The following DACH2 variants were observed in gnomAD, a reference collection of about 807,000 sequenced individuals.
DACH2 encodes the protein dachshund family transcription factor 2.
A neutral mutation model predicts 35.8 loss-of-function variants in DACH2; 17 were observed. The observed-to-expected ratio is 0.48, with a 90% CI of 0.33 to 0.71. DACH2 has a LOEUF of 0.71. Among genes scored for constraint, DACH2 ranks in the 30% least tolerant of loss-of-function variants. The pLI is 0.02. For synonymous variants in DACH2, 195 were observed against 177.3 expected, an observed-to-expected ratio of 1.10 and a Z score of -0.79; for missense variants, 469 against 472.7, an observed-to-expected ratio of 0.99 and a Z score of 0.07.
chrX:86,669,620 A>G (rs2040740826), intron 4 of DACH2, among the ~76,000 whole-genome samples: 1 of 111,602 alleles, frequency 9.0e-6, no homozygotes, highest in Non-Finnish European at 1.9e-5. Flanking sequence ...AATAGACAGT[A>G]TATGGTCAAA....
chrX:86,183,408 C>G (rs1482794144), intron 1 of DACH2, among the ~76,000 whole-genome samples: 1 of 111,857 alleles, frequency 8.9e-6, no homozygotes. Flanking sequence ...TTATCAAAGG[C>G]CTTTTCTGCA....
At chrX:86,178,820 A>C (rs771060689) in intron 1 of DACH2, among the ~76,000 whole-genome samples, 2 of 111,975 alleles carry the variant, frequency 1.8e-5, no homozygotes, top group South Asian at 3.7e-4. Flanking sequence ...CTTATTTCTG[A>C]AATTGGTGCT....
chrX:86,698,072 A>G (rs1023373155), intron 5 of DACH2, among the ~76,000 whole-genome samples: 2 of 111,550 alleles, frequency 1.8e-5, no homozygotes, highest in Admixed American at 1.9e-4. Context: ...TCTGGAAAGA[A>G]GACAGAGAAA....
intron 7 of DACH2, among the ~76,000 whole-genome samples, chrX:86,774,063 T>A (rs1410258404): frequency 9.0e-6 from 1 of 111,579 alleles, no homozygotes; most frequent in Non-Finnish European, 1.9e-5. Flanking sequence ...ACAAAGACTA[T>A]GTACCCACAA....
chrX:86,827,635 C>A, intron 11 of DACH2: 1 of 509,094 alleles, frequency 2.0e-6, no homozygotes, highest in Non-Finnish European at 3.4e-6. Flanking sequence ...ATATTCAAAT[C>A]TTGAACATAT....
At chrX:86,376,651 A>C (rs910626801) in intron 1 of DACH2, among the ~76,000 whole-genome samples, 173 bp from the exon 2 acceptor site, 7 of 110,794 alleles carry the variant, frequency 6.3e-5, no homozygotes, top group Admixed American at 5.8e-4. Flanking sequence ...CTTACCTTCT[A>C]TGTGCTCTTC....
At chrX:86,347,051 A>C (rs1391356679) in intron 1 of DACH2, among the ~76,000 whole-genome samples, 1 of 111,937 alleles carries the variant, frequency 8.9e-6, no homozygotes, top group Non-Finnish European at 1.9e-5. Context: ...ATTATGAAAA[A>C]TTAATAGAAA....
intron 3 of DACH2, among the ~76,000 whole-genome samples, chrX:86,530,299 C>T (rs1484896744): frequency 3.6e-5 from 4 of 111,456 alleles, no homozygotes; most frequent in Non-Finnish European, 7.5e-5. Flanking sequence ...AAAAGTTTGT[C>T]CCAATCATAG....
rs5967761 is a variant in DACH2 at position 86,814,555 on chromosome X, C to A, written c.1538-133C>A. 4.6e-6 allele frequency: 3 copies of A among 658,025 alleles called. No individual in the cohort carries two copies. The Admixed American group carries it at 1.2e-4, about 26-fold the overall frequency. 54.2% of individuals were successfully genotyped at this position (658,025 alleles called of 1,213,427 possible). ...CTAATGAGCATTAGTACCAAAAGAACGCTAATCATATGTCAAGTGAAATAT... is the reference window on the plus strand; with the variant it reads ...CTAATGAGCATTAGTACCAAAAGAAAGCTAATCATATGTCAAGTGAAATAT... On this transcript the variant is annotated intron_variant, in intron 9 of 11. Transcript: ENST00000373125.
chrX:86,278,894 G>A (rs1307266795), intron 1 of DACH2, among the ~76,000 whole-genome samples: 3 of 111,719 alleles, frequency 2.7e-5, no homozygotes, highest in African/African-American at 9.8e-5. Flanking sequence ...TGAGTAGGCA[G>A]TTTTCCCCTC....
intron 1 of DACH2, among the ~76,000 whole-genome samples, chrX:86,223,947 G>C (rs2032767927): frequency 8.9e-6 from 1 of 111,876 alleles, no homozygotes; most frequent in African/African-American, 3.2e-5. Context: ...TAGCTTGTAT[G>C]TCTTAGTGAC....
At chrX:86,535,047 G>A (rs1375186517) in intron 3 of DACH2, among the ~76,000 whole-genome samples, 2 of 111,828 alleles carry the variant, frequency 1.8e-5, no homozygotes, top group African/African-American at 3.2e-5. Context: ...TAAGCAAGGA[G>A]ATAGGACAGC....
At chrX:86,604,612 A>G (rs1454035927) in intron 3 of DACH2, among the ~76,000 whole-genome samples, 3 of 111,672 alleles carry the variant, frequency 2.7e-5, no homozygotes, top group Non-Finnish European at 5.7e-5. Flanking sequence ...TCTCCCAATG[A>G]TTTAAACACT....
At chrX:86,549,225 C>T (rs1248079986) in intron 3 of DACH2, among the ~76,000 whole-genome samples, 1 of 111,797 alleles carries the variant, frequency 8.9e-6, no homozygotes, top group Non-Finnish European at 1.9e-5. Context: ...TTTGATAAGA[C>T]ATTTGTGTAT....
intron 4 of DACH2, among the ~76,000 whole-genome samples, chrX:86,667,212 C>T (rs2040681670): frequency 1.0e-5 from 1 of 97,507 alleles, no homozygotes; most frequent in Non-Finnish European, 2.0e-5. Context: ...GCCGAGACTG[C>T]ACTCCACCCT....
At chrX:86,488,654 A>T in intron 2 of DACH2, among the ~76,000 whole-genome samples, 1 of 111,385 alleles carries the variant, frequency 9.0e-6, no homozygotes, top group Non-Finnish European at 1.9e-5. Flanking sequence ...GTAATGGATT[A>T]CTCATTAGCC....
At chrX:86,567,867 C>CT (rs1293748323) in intron 3 of DACH2, among the ~76,000 whole-genome samples, 53 of 111,188 alleles carry the variant, frequency 4.8e-4, no homozygotes, top group Non-Finnish European at 1.1e-4. Context: ...TGCATAGCAG[C>CT]TTTTTTTTCA....
At chrX:86,361,289 A>T (rs185947307) in intron 1 of DACH2, among the ~76,000 whole-genome samples, 1,220 of 111,798 alleles carry the variant, frequency 0.011, 6 homozygotes, top group Non-Finnish European at 0.016. Flanking sequence ...TAAAAATATG[A>T]TTTATATCTG....
At chrX:86,321,670 TAA>T (rs371650775) in intron 1 of DACH2, among the ~76,000 whole-genome samples, 1 of 111,529 alleles carries the variant, frequency 9.0e-6, no homozygotes, top group Non-Finnish European at 1.9e-5. Context: ...TGTTCTACTA[TAA>T]AGATATATTA....
Sources: gnomAD v4.1 joint callset for allele counts (sites outside exome capture counted in the v4.1 genomes callset) on GRCh38, gnomAD v4.1.1 for gene constraint, MANE v1.5 for transcripts, NCBI Gene and HGNC (gene_info 2026-07-23, HGNC 2026-07-21) for gene names.